CFAP20DC: variants seen among roughly 807,000 people sequenced by gnomAD.
CFAP20DC encodes the protein protein CFAP20DC.
Under a neutral mutation model 101.7 loss-of-function variants are expected in CFAP20DC, and 84 were observed. That is an observed-to-expected ratio of 0.83 (90% CI 0.69 to 0.99). The LOEUF is 0.99. Ranked by LOEUF, CFAP20DC falls within the 50% of genes least tolerant of loss-of-function variation. The pLI is 0.00. For missense variants in CFAP20DC, 1,007 were observed against 970.3 expected, an observed-to-expected ratio of 1.04 and a Z score of -0.50; for synonymous variants, 359 against 351.2, an observed-to-expected ratio of 1.02 and a Z score of -0.25.
intron 4 of CFAP20DC, among the ~76,000 whole-genome samples, chr3:59,016,566 G>A (rs2093694275): frequency 6.6e-6 from 1 of 152,080 alleles, no homozygotes; most frequent in South Asian, 2.1e-4. Context: ...TAATAAATGA[G>A]GTGATGAGTG....
At chr3:58,751,808 T>C (rs1372615255) in intron 16 of CFAP20DC, among the ~76,000 whole-genome samples, 1 of 151,724 alleles carries the variant, frequency 6.6e-6, no homozygotes, top group African/African-American at 2.4e-5. Flanking sequence ...GCAAGTCACT[T>C]GAGAACTTTG....
At chr3:58,932,845 C>G (rs1055259225) in intron 5 of CFAP20DC, among the ~76,000 whole-genome samples, 1 of 152,168 alleles carries the variant, frequency 6.6e-6, no homozygotes, top group African/African-American at 2.4e-5. Context: ...ACCATCGAGG[C>G]TAGGAAGAAA....
chr3:58,801,341 C>G (rs1229266491), intron 15 of CFAP20DC, among the ~76,000 whole-genome samples: 1 of 152,154 alleles, frequency 6.6e-6, no homozygotes, highest in Non-Finnish European at 1.5e-5. Context: ...GTGCAAAAAT[C>G]TGGATAACAG....
At chr3:58,782,757 T>C (rs1575625910) in intron 15 of CFAP20DC, among the ~76,000 whole-genome samples, 1 of 151,900 alleles carries the variant, frequency 6.6e-6, no homozygotes, top group East Asian at 1.9e-4. Flanking sequence ...ATGAAAGAAA[T>C]TGAAAAGGAT....
At chr3:58,957,390 T>C (rs1163199069) in intron 4 of CFAP20DC, among the ~76,000 whole-genome samples, 2 of 152,184 alleles carry the variant, frequency 1.3e-5, no homozygotes, top group African/African-American at 4.8e-5. Flanking sequence ...GTAACCCTTG[T>C]ACACTGTTGG....
chr3:58,913,638 T>A lies in CFAP20DC; in HGVS notation c.550+70A>T. The A allele has an allele frequency of 1.3e-6, 2 of 1,494,296 alleles. No individual in the cohort carries two copies. Among genetic ancestry groups the A allele is most frequent in the African/African-American group, 1.4e-5 (1 of 72,388 alleles). 92.6% of individuals were successfully genotyped at this position (1,494,296 alleles called of 1,614,324 possible). On this transcript the variant is annotated intron_variant, in intron 6 of 16. Coordinates refer to ENST00000482387, the MANE Select transcript of CFAP20DC (RefSeq NM_001394063.1). The surrounding 1 kb of genome is among the most constrained non-coding windows in gnomAD (Gnocchi z 4.4). The stretch of plus-strand genomic sequence containing the variant: ...AAACTGCTACCACACACTCATACTA[T>A]CCCAAAGGTATGGCTAATTTTAAAA...
intron 4 of CFAP20DC, among the ~76,000 whole-genome samples, chr3:59,033,593 G>A (rs1239602185): frequency 6.6e-6 from 1 of 151,872 alleles, no homozygotes; most frequent in Non-Finnish European, 1.5e-5. Context: ...GCAAAAGAAA[G>A]GATATCAGAG....
rs910501645 is a variant in CFAP20DC at position 58,728,676 on chromosome 3, T to C, written c.198-11048A>G. On this transcript the variant is annotated intron_variant, in intron 3 of 3. Coordinates refer to the CFAP20DC transcript ENST00000486145. The surrounding 1 kb of genome is among the most constrained non-coding windows in gnomAD (Gnocchi z 4.7). Reference sequence around the variant, plus strand: ...TAGGCTGATTGTGGAGGAAATCATATGCCAGAGCTTTGGTAAATGCATGAA... The same window carrying C: ...TAGGCTGATTGTGGAGGAAATCATACGCCAGAGCTTTGGTAAATGCATGAA... 2.6e-5 allele frequency among the ~76,000 whole-genome samples: 4 copies of C among 152,174 alleles called. No individual in the cohort carries two copies. The highest frequency in any genetic ancestry group is 2.1e-4 in the South Asian group (1 of 4,824).
rs541975486 is a variant in CFAP20DC at position 58,834,322 on chromosome 3, A to T, written c.1972-2433T>A. Among the ~76,000 whole-genome samples the T allele has an allele frequency of 2.6e-5, 4 of 152,334 alleles. No homozygotes were observed. The South Asian group carries it at 8.3e-4, about 32-fold the overall frequency. On this transcript the variant is annotated intron_variant, in intron 13 of 16. Coordinates refer to ENST00000482387, the MANE Select transcript of CFAP20DC (RefSeq NM_001394063.1). ...CTGTTCTTCAGTTTTTCGGTCAAGA[A>T]GTGGGATTAAGCGTTCTAATGTGTC...
intron 4 of CFAP20DC, among the ~76,000 whole-genome samples, chr3:58,999,843 T>TAAAAAAAAAAA (rs565894929): frequency 1.3e-5 from 1 of 76,762 alleles, no homozygotes; most frequent in African/African-American, 4.4e-5. Flanking sequence ...GTCACTAATG[T>TAAAAAAAAAAA]AAAAAAAAAA....
chr3:58,957,090 T>A (rs1352834534), intron 4 of CFAP20DC, among the ~76,000 whole-genome samples: 2 of 152,078 alleles, frequency 1.3e-5, no homozygotes, highest in Admixed American at 1.3e-4. Flanking sequence ...GAGAAAATAC[T>A]TGCAAACTAC....
At chr3:58,842,260 C>G in intron 13 of CFAP20DC, among the ~76,000 whole-genome samples, 1 of 152,166 alleles carries the variant, frequency 6.6e-6, no homozygotes, top group Non-Finnish European at 1.5e-5. Flanking sequence ...GTACCGGGTT[C>G]ATCTCACTAG....
rs2082304534 is a variant in CFAP20DC, at chr3:58,892,099, C to T, written c.551-7390G>A. Among the ~76,000 whole-genome samples the T allele has an allele frequency of 6.6e-6, 1 of 152,140 alleles. No homozygotes were observed. Among genetic ancestry groups the T allele is most frequent in the African/African-American group, 2.4e-5 (1 of 41,432 alleles). ...ATTTATTGAACAGGGAGTATTTTCC[C>T]CATTCATTGATTTTGTCAGTTTTGT... On this transcript the variant is annotated intron_variant, in intron 6 of 16. Coordinates refer to ENST00000482387, the MANE Select transcript of CFAP20DC (RefSeq NM_001394063.1). This position sits in a 1 kb window ranked among gnomAD's most constrained non-coding sequence, Gnocchi z 4.0.
chr3:58,934,653 C>T (rs1431289195), intron 5 of CFAP20DC, among the ~76,000 whole-genome samples: 1 of 152,132 alleles, frequency 6.6e-6, no homozygotes, highest in Non-Finnish European at 1.5e-5. Context: ...AGCATATAAA[C>T]AGAACCAAAG....
intron 4 of CFAP20DC, among the ~76,000 whole-genome samples, chr3:59,031,716 T>A (rs2093998245): frequency 6.6e-6 from 1 of 152,208 alleles, no homozygotes; most frequent in Admixed American, 6.5e-5. Context: ...GATTGTATAT[T>A]GATAGCTAAA....
At chr3:58,777,780 T>C (rs963303488) in intron 15 of CFAP20DC, among the ~76,000 whole-genome samples, 3 of 152,122 alleles carry the variant, frequency 2.0e-5, no homozygotes, top group African/African-American at 4.8e-5. Flanking sequence ...CTAGCCACAG[T>C]AGAGCCTGTT....
rs2081271068 is a variant in CFAP20DC, at chr3:58,882,079, A to C, written c.715+2466T>G. ...TGAGATTTATTTAAGAAGTGCAATC[A>C]TAAACCCTATGGTTACAAACGAATA... On this transcript the variant is annotated intron_variant, in intron 7 of 16. Coordinates refer to ENST00000482387, the MANE Select transcript of CFAP20DC (RefSeq NM_001394063.1). The surrounding 1 kb of genome is among the most constrained non-coding windows in gnomAD (Gnocchi z 4.2). Among the ~76,000 whole-genome samples the C allele has an allele frequency of 1.3e-5, 2 of 152,184 alleles. No homozygotes were observed.
chr3:58,842,704 G>T (rs985483138), intron 13 of CFAP20DC, among the ~76,000 whole-genome samples: 3 of 152,224 alleles, frequency 2.0e-5, no homozygotes, highest in African/African-American at 7.2e-5. Context: ...CTCCACCTCT[G>T]GGGGCAGGGC....
chr3:58,977,321 G>T (rs1053884169), intron 4 of CFAP20DC, among the ~76,000 whole-genome samples: 1 of 152,152 alleles, frequency 6.6e-6, no homozygotes, highest in Admixed American at 6.5e-5. Flanking sequence ...TACTTAAATG[G>T]AACCAAAATA....
Sources: allele counts gnomAD v4.1 joint callset (sites outside exome capture counted in the v4.1 genomes callset), GRCh38; gene constraint gnomAD v4.1.1; non-coding constraint Gnocchi (gnomAD v3.1); transcripts MANE v1.5; gene names NCBI Gene and HGNC (gene_info 2026-07-23, HGNC 2026-07-21).